The following DLG2 variants were observed in gnomAD, a reference collection of about 807,000 sequenced individuals.
DLG2 encodes disks large homolog 2.
A neutral mutation model predicts 132.5 loss-of-function variants in DLG2; 45 were observed. The observed-to-expected ratio is 0.34, with a 90% CI of 0.27 to 0.44. The LOEUF (loss-of-function observed/expected upper bound fraction) is 0.44. Ranked by LOEUF, DLG2 falls within the 20% of genes least tolerant of loss-of-function variation. The pLI is 1.00. For synonymous variants in DLG2, 424 were observed against 419.6 expected, an observed-to-expected ratio of 1.01 and a Z score of -0.13; for missense variants, 1,045 against 1,196.9, an observed-to-expected ratio of 0.87 and a Z score of 1.87.
intron 6 of DLG2, among the ~76,000 whole-genome samples, chr11:84,718,029 G>T (rs1377586244): frequency 6.6e-6 from 1 of 151,984 alleles, no homozygotes; most frequent in Admixed American, 6.6e-5. Context: ...GTCAGATAAT[G>T]TTGAAGAACT....
At chr11:84,486,868 T>G (rs2099152435) in intron 7 of DLG2, among the ~76,000 whole-genome samples, 1 of 152,080 alleles carries the variant, frequency 6.6e-6, no homozygotes, top group Admixed American at 6.6e-5. Context: ...TCTGAGTATG[T>G]TGCTAGCAAA....
intron 18 of DLG2, among the ~76,000 whole-genome samples, chr11:83,670,201 T>C (rs2076601762): frequency 6.6e-6 from 1 of 152,174 alleles, no homozygotes. Flanking sequence ...CTCTGTAGAC[T>C]TTTCTCCAGT....
intron 8 of DLG2, among the ~76,000 whole-genome samples, chr11:84,227,293 A>G (rs974017082): frequency 1.3e-5 from 2 of 152,042 alleles, no homozygotes; most frequent in African/African-American, 4.8e-5. Flanking sequence ...AAAAGCATAC[A>G]GGTAGAAAAG....
chr11:84,133,072 A>T (rs541639046), intron 9 of DLG2, among the ~76,000 whole-genome samples: 10 of 152,088 alleles, frequency 6.6e-5, no homozygotes, highest in Non-Finnish European at 1.3e-4. Flanking sequence ...TGTAAAAAAT[A>T]AATGAAAGTT....
At chr11:85,551,547 A>T (rs1381915605) in intron 3 of DLG2, among the ~76,000 whole-genome samples, 1 of 152,088 alleles carries the variant, frequency 6.6e-6, no homozygotes, top group Non-Finnish European at 1.5e-5. Context: ...TATAACTATT[A>T]AATTAATATA....
At chr11:84,713,313 G>C (rs1295137173) in intron 6 of DLG2, among the ~76,000 whole-genome samples, 2 of 152,030 alleles carry the variant, frequency 1.3e-5, no homozygotes, top group East Asian at 3.9e-4. Context: ...TTCTCTACCT[G>C]TAACACTGGG....
intron 3 of DLG2, among the ~76,000 whole-genome samples, chr11:85,359,476 T>C (rs2083980349): frequency 6.6e-6 from 1 of 152,212 alleles, no homozygotes; most frequent in African/African-American, 2.4e-5. Context: ...AAGCTGGTCA[T>C]TATAATTTGT....
At chr11:84,179,822 A>G (rs1596760190) in intron 8 of DLG2, among the ~76,000 whole-genome samples, 1 of 152,110 alleles carries the variant, frequency 6.6e-6, no homozygotes, top group Non-Finnish European at 1.5e-5. Flanking sequence ...CTCACCTAAA[A>G]TTGGGGATAA....
At chr11:84,806,751 A>G (rs2076044956) in intron 6 of DLG2, among the ~76,000 whole-genome samples, 1 of 152,224 alleles carries the variant, frequency 6.6e-6, no homozygotes, top group Non-Finnish European at 1.5e-5. Context: ...AAATAATGAT[A>G]AGAAAAAGCC....
At chr11:84,991,280 C>T (rs1381781671) in intron 6 of DLG2, among the ~76,000 whole-genome samples, 4 of 151,958 alleles carry the variant, frequency 2.6e-5, no homozygotes, top group Non-Finnish European at 4.4e-5. Context: ...GGGACTGAGG[C>T]GGGAGGATCG....
At chr11:85,481,281 G>A (rs954618462) in intron 3 of DLG2, among the ~76,000 whole-genome samples, 6 of 152,172 alleles carry the variant, frequency 3.9e-5, no homozygotes, top group East Asian at 1.9e-4. Context: ...GTGTTATTGA[G>A]TATCAGCAAG....
chr11:85,536,395 T>C lies in DLG2; in HGVS notation c.40+62262A>G, dbSNP rs561922318. Among the ~76,000 whole-genome samples, 3 of 152,244 alleles carry C rather than the reference T, an allele frequency of 2.0e-5. No homozygotes were observed. The South Asian group carries it at 6.2e-4, about 32-fold the overall frequency. On this transcript the variant is annotated intron_variant, in intron 3 of 27. Coordinates refer to ENST00000376104, the MANE Select transcript of DLG2 (RefSeq NM_001142699.3). Reference sequence around the variant, plus strand: ...AAACTTATTCTCCTGCCCTCCTTTCTCCTCCTTTCCTCCTCTAAGGTAGGT... The same window carrying C: ...AAACTTATTCTCCTGCCCTCCTTTCCCCTCCTTTCCTCCTCTAAGGTAGGT...
At chr11:84,726,116 T>C (rs928347388) in intron 6 of DLG2, among the ~76,000 whole-genome samples, 1 of 150,924 alleles carries the variant, frequency 6.6e-6, no homozygotes, top group East Asian at 1.9e-4. Flanking sequence ...TTCACTGTAA[T>C]TTATTTATTA....
chr11:84,157,207 T>C (rs1287541066), intron 9 of DLG2, among the ~76,000 whole-genome samples: 1 of 152,136 alleles, frequency 6.6e-6, no homozygotes, highest in African/African-American at 2.4e-5. Flanking sequence ...AACTCCAAAG[T>C]TTATGTATGT....
intron 3 of DLG2, among the ~76,000 whole-genome samples, chr11:85,486,908 A>G (rs1323765861): frequency 1.3e-5 from 2 of 151,866 alleles, no homozygotes; most frequent in African/African-American, 4.8e-5. Flanking sequence ...AGACACCACC[A>G]CTGCCACCAC....
intron 18 of DLG2, among the ~76,000 whole-genome samples, chr11:83,742,467 T>G (rs566191857): frequency 4.2e-4 from 64 of 152,288 alleles, no homozygotes; most frequent in African/African-American, 1.5e-3. Context: ...CAGACTTCTA[T>G]CATTTGTGTT....
intron 10 of DLG2, among the ~76,000 whole-genome samples, chr11:84,080,460 G>C (rs2096886650): frequency 1.3e-5 from 2 of 152,232 alleles, no homozygotes; most frequent in East Asian, 1.9e-4. Flanking sequence ...ATGCAGAGGT[G>C]ATGAGTTTAT....
rs76371797 is a variant in DLG2 at position 85,370,534 on chromosome 11, T to C, written c.41-85169A>G. On this transcript the variant is annotated intron_variant, in intron 3 of 27. Coordinates refer to ENST00000376104, the MANE Select transcript of DLG2 (RefSeq NM_001142699.3). Reference sequence around the variant, plus strand: ...TAACAAGGTTTTCCTATGGCACCAATCTGCTCTTTGGCAACATTTGTAAGT... The same window carrying C: ...TAACAAGGTTTTCCTATGGCACCAACCTGCTCTTTGGCAACATTTGTAAGT... Among the ~76,000 whole-genome samples the C allele has an allele frequency of 2.2e-4, 33 of 152,344 alleles. No homozygotes were observed. The East Asian group carries it at 5.8e-3, about 27-fold the overall frequency.
chr11:84,384,752 A>G (rs572668143), intron 7 of DLG2, among the ~76,000 whole-genome samples: 2 of 152,120 alleles, frequency 1.3e-5, no homozygotes, highest in South Asian at 4.2e-4. Context: ...CAAAAAACCT[A>G]AGACATGTTG....
Sources: allele counts gnomAD v4.1 joint callset (sites outside exome capture counted in the v4.1 genomes callset), GRCh38; gene constraint gnomAD v4.1.1; transcripts MANE v1.5; gene names NCBI Gene and HGNC (gene_info 2026-07-23, HGNC 2026-07-21).